The following USP2 variants were observed in gnomAD, a reference collection of about 807,000 sequenced individuals.
USP2 encodes the protein ubiquitin carboxyl-terminal hydrolase 2.
A neutral mutation model predicts 72.0 loss-of-function variants in USP2; 33 were observed. The observed-to-expected ratio is 0.46, with a 90% CI of 0.35 to 0.61. The LOEUF is 0.61. Ranked by LOEUF, USP2 falls within the 20% of genes least tolerant of loss-of-function variation. The probability of loss-of-function intolerance (pLI) is 0.01; values close to 1 mark genes in which losing one functional copy is unlikely to be tolerated. For synonymous variants in USP2, 296 were observed against 312.5 expected, an observed-to-expected ratio of 0.95 and a Z score of 0.56; for missense variants, 691 against 797.8, an observed-to-expected ratio of 0.87 and a Z score of 1.61.
At chr11:119,359,926 G>A (rs1403379247) in intron 3 of USP2, among the ~76,000 whole-genome samples, 1 of 152,206 alleles carries the variant, frequency 6.6e-6, no homozygotes, top group Non-Finnish European at 1.5e-5. Flanking sequence ...GGGAAGTGAT[G>A]GGCATCCTTT....
chr11:119,364,217 C>T (rs1950817397), intron 2 of USP2: 1 of 1,123,194 alleles, frequency 8.9e-7, no homozygotes, highest in Non-Finnish European at 1.1e-6. Flanking sequence ...CTGGCGGCCC[C>T]GCCGGCGCCT....
intron 2 of USP2, among the ~76,000 whole-genome samples, chr11:119,361,673 T>C (rs565759810): frequency 6.6e-6 from 1 of 152,160 alleles, no homozygotes; most frequent in Admixed American, 6.5e-5. Flanking sequence ...AGAACTGCCT[T>C]ACCGATCCCA....
chr11:119,379,645 A>G (rs756292494), intron 1 of USP2, among the ~76,000 whole-genome samples: 3 of 152,196 alleles, frequency 2.0e-5, no homozygotes, highest in Admixed American at 6.5e-5. Flanking sequence ...TGGCTCTGAA[A>G]TAGTGGATAA....
chr11:119,371,321 G>A (rs1413070692), intron 2 of USP2, among the ~76,000 whole-genome samples: 2 of 152,126 alleles, frequency 1.3e-5, no homozygotes, highest in Non-Finnish European at 2.9e-5. Flanking sequence ...AACAGCACCA[G>A]CCGAGTCCAA....
rs45570535 is a variant in USP2, at chr11:119,358,886, T to A, written c.1173-49A>T. Reference sequence around the variant, plus strand: ...ATTGGGTCAAAGCTCAAAACTTAAGTTTAAGGGTCTGTCAATTTTGATCCT... The same window carrying A: ...ATTGGGTCAAAGCTCAAAACTTAAGATTAAGGGTCTGTCAATTTTGATCCT... On this transcript the variant is annotated intron_variant, in intron 6 of 12. Transcript: ENST00000260187. The A allele has an allele frequency of 6.9e-3, 11,169 of 1,607,142 alleles. 73 individuals carry two copies. Among genetic ancestry groups the A allele is most frequent in the Admixed American group, 8.1e-3 (489 of 60,010 alleles).
intron 2 of USP2, chr11:119,363,931 G>A (rs1196431796): frequency 3.0e-6 from 4 of 1,324,136 alleles, no homozygotes; most frequent in South Asian, 2.1e-5. Flanking sequence ...CAGCTCCTTG[G>A]CGAGGGCGGG....
chr11:119,358,249 A>G lies in USP2; in HGVS notation c.1241T>C (p.Leu414Pro). 1 of 1,613,030 alleles carries G rather than the reference A, an allele frequency of 6.2e-7. No homozygotes were observed. Among genetic ancestry groups the G allele is most frequent in the Non-Finnish European group, 8.5e-7 (1 of 1,180,004 alleles). ...CGAGCTCTTTAGCTGCCCAACAAAG[A>G]GATCTGGGGAAGAGAAGGCCATGAG... The part of the protein sequence containing the change: ...LEREDSRIGD[L>P]FVGQLKSSLT... Residue 414 changes from leucine (L) to proline (P), a missense_variant, in exon 8 of 13, where the codon CTC (leucine) becomes CCC (proline). Physicochemically the swap from Leu to Pro is moderately conservative, Grantham distance 98. Transcript: ENST00000260187.
chr11:119,374,005 G>A (rs1950969301), intron 1 of USP2, among the ~76,000 whole-genome samples: 1 of 152,202 alleles, frequency 6.6e-6, no homozygotes, highest in Non-Finnish European at 1.5e-5. Flanking sequence ...ATCCTAGACT[G>A]TCTGTGCTGG....
rs1555039734 is a variant in USP2, at chr11:119,356,058, A to AAC, written c.*776_*777insGT. ...TCCATTCAAAACATTAAAAAAAAAA[A>AAC]AAAAAAACCCAAACCCCCAAAACAG... On this transcript the variant is annotated 3_prime_UTR_variant, in exon 13 of 13. Coordinates refer to ENST00000260187, the MANE Select transcript of USP2 (RefSeq NM_004205.5). 3 of 150,720 alleles carry AAC rather than the reference A, an allele frequency of 2.0e-5. No individual in the cohort carries two copies. The highest frequency in any genetic ancestry group is 6.6e-5 in the Admixed American group (1 of 15,158). 9.3% of individuals were successfully genotyped at this position (150,720 alleles called of 1,614,324 possible).
rs565973913 is a variant in USP2, at chr11:119,374,451, T to A, written c.-41-930A>T. On this transcript the variant is annotated intron_variant, in intron 1 of 12. Transcript: ENST00000260187. ...ACACAGACACTGCTGAATGTGGAGC[T>A]TTGAGAGCCCCAGAGGATCATGAAT... 8.5e-5 allele frequency among the ~76,000 whole-genome samples: 13 copies of A among 152,302 alleles called. No homozygotes were observed. The East Asian group carries it at 1.7e-3, about 20-fold the overall frequency.
Position 119,381,498 on chromosome 11 carries a change from G to C in USP2, c.-67C>G, listed in dbSNP as rs184925700. The stretch of plus-strand genomic sequence containing the variant: ...CTGCCTCTTCTTGGAGTATGGACGA[G>C]TCGAACCGGGCACAAGCATGGAGCT... On this transcript the variant is annotated 5_prime_UTR_variant, in exon 1 of 13. Coordinates refer to ENST00000260187, the MANE Select transcript of USP2 (RefSeq NM_004205.5). 2.6e-6 allele frequency: 4 copies of C among 1,536,190 alleles called. No homozygotes were observed. In the East Asian group the frequency reaches 9.8e-5, roughly 38 times the overall value.
At chr11:119,357,118 G>A in intron 12 of USP2, 69 bp downstream of exon 12, 1 of 1,418,932 alleles carries the variant, frequency 7.0e-7, no homozygotes, top group South Asian at 1.2e-5. Flanking sequence ...GGGTTTGGGG[G>A]GAGGGTGGAG....
chr11:119,368,936 A>G (rs1950890417), intron 2 of USP2, among the ~76,000 whole-genome samples: 1 of 152,188 alleles, frequency 6.6e-6, no homozygotes. Context: ...GAAGGATTGT[A>G]GGGGTTAAAG....
intron 3 of USP2, 89 bp downstream of exon 3, chr11:119,360,095 C>A (rs1047724690): frequency 2.1e-5 from 31 of 1,506,478 alleles, no homozygotes; most frequent in Non-Finnish European, 2.6e-5. Context: ...AGGGAGTCAG[C>A]CACAACCAGA....
At position 119,355,769 on chromosome 11, in the gene USP2, T is replaced by C. The variant is rs1222776077; in HGVS notation, c.*1066A>G. The C allele has an allele frequency of 6.6e-6, 1 of 152,200 alleles. No individual in the cohort carries two copies. The highest frequency in any genetic ancestry group is 1.9e-4 in the East Asian group (1 of 5,196). The allele number at this position is 152,200 out of a possible 1,614,324, so 9.4% of individuals were successfully genotyped here. A position where few individuals can be genotyped will look rare whatever the true frequency, so the allele number is the denominator to read the frequency against. On this transcript the variant is annotated 3_prime_UTR_variant, in exon 13 of 13. Transcript: ENST00000260187. ...TAGGGACGAGGGGCTTGTGCTATCCTTCAAACAGCTGGGGAGCAGACCAGG... is the reference window on the plus strand; with the variant it reads ...TAGGGACGAGGGGCTTGTGCTATCCCTCAAACAGCTGGGGAGCAGACCAGG...
At chr11:119,357,410 C>T in intron 11 of USP2, 73 bp downstream of exon 11, 1 of 1,609,796 alleles carries the variant, frequency 6.2e-7, no homozygotes, top group Non-Finnish European at 8.5e-7. Flanking sequence ...TGGCAGCTCC[C>T]CTTCCTCCTG....
chr11:119,356,618 C>T lies in USP2; in HGVS notation c.*217G>A. 1 of 557,512 alleles carries T rather than the reference C, an allele frequency of 1.8e-6. No individual in the cohort carries two copies. The highest frequency in any genetic ancestry group is 3.1e-6 in the Non-Finnish European group (1 of 319,938). 34.5% of individuals were successfully genotyped at this position (557,512 alleles called of 1,614,324 possible). On this transcript the variant is annotated 3_prime_UTR_variant, in exon 13 of 13. Coordinates refer to ENST00000260187, the MANE Select transcript of USP2 (RefSeq NM_004205.5). Reference sequence around the variant, plus strand: ...AGGGCACGGGGCGATGCTGGCTCCACGTCCAGGCGATCTTCCCTGCCGGGC... The same window carrying T: ...AGGGCACGGGGCGATGCTGGCTCCATGTCCAGGCGATCTTCCCTGCCGGGC...
At chr11:119,363,884 A>G in intron 2 of USP2, 1 of 1,261,878 alleles carries the variant, frequency 7.9e-7, no homozygotes, top group Non-Finnish European at 1.0e-6. Flanking sequence ...ACGAAGGTGG[A>G]GAGCAGCAGG....
rs1386817726 is a variant in USP2, at chr11:119,381,590, C to A, written c.-159G>T. On this transcript the variant is annotated 5_prime_UTR_variant, in exon 1 of 13. Transcript: ENST00000260187. ...CCAGCTGACGAAGAGGGCTCCCCGGCCTCGGCTCCTGCCTGACTCTCTCCC... is the reference window on the plus strand; with the variant it reads ...CCAGCTGACGAAGAGGGCTCCCCGGACTCGGCTCCTGCCTGACTCTCTCCC... The A allele has an allele frequency of 3.9e-6, 6 of 1,523,476 alleles. No individual in the cohort carries two copies. The East Asian group carries it at 7.4e-5, about 19-fold the overall frequency. The allele number at this position is 1,523,476 out of a possible 1,614,324, so 94.4% of individuals were successfully genotyped here. A position where few individuals can be genotyped will look rare whatever the true frequency, so the allele number is the denominator to read the frequency against.
Sources: gnomAD v4.1 joint callset for allele counts (sites outside exome capture counted in the v4.1 genomes callset) on GRCh38, gnomAD v4.1.1 for gene constraint, MANE v1.5 for transcripts, NCBI Gene and HGNC (gene_info 2026-07-23, HGNC 2026-07-21) for gene names.